Variants in PPFIA2 observed in about 807,000 individuals in gnomAD.
PPFIA2 encodes liprin-alpha-2.
Under a neutral mutation model 175.5 loss-of-function variants are expected in PPFIA2, and 46 were observed. The observed-to-expected ratio is 0.26, with a 90% CI of 0.21 to 0.34. The LOEUF (loss-of-function observed/expected upper bound fraction) is 0.34, where lower values mean the gene tolerates loss of function less well. Ranked by LOEUF, PPFIA2 falls within the 10% of genes least tolerant of loss-of-function variation. The pLI is 1.00. For synonymous variants in PPFIA2, 568 were observed against 511.4 expected (o/e 1.11, Z -1.49); for missense variants, 1,179 against 1,506.1 (o/e 0.78, Z 3.60).
chr12:81,706,069 G>T (rs2077099934), intron 3 of PPFIA2, among the ~76,000 whole-genome samples: 1 of 152,124 alleles, frequency 6.6e-6, no homozygotes, highest in Non-Finnish European at 1.5e-5. Flanking sequence ...GAAACTGCAT[G>T]TGTATCTCAC....
chr12:81,445,697 G>A lies in PPFIA2; in HGVS notation c.429C>T (p.Cys143=), dbSNP rs1429150393. 1.9e-6 allele frequency: 3 copies of A among 1,613,636 alleles called. No homozygotes were observed. The highest frequency in any genetic ancestry group is 2.5e-6 in the Non-Finnish European group (3 of 1,179,710). Residue 143 remains cysteine (C), a synonymous_variant, in exon 6 of 33, where the codon TGC becomes TGT. Transcript: ENST00000549396. ...GTGATCTTTCATGTCGTGACACAAGGCACTCCAAATGCTCCAGTAATAGCT... is the reference window on the plus strand; with the variant it reads ...GTGATCTTTCATGTCGTGACACAAGACACTCCAAATGCTCCAGTAATAGCT... The part of the protein sequence containing the change: ...NTRLLLEHLE[C]LVSRHERSLR...
chr12:81,668,584 T>C (rs138285480), intron 4 of PPFIA2, among the ~76,000 whole-genome samples: 22 of 152,146 alleles, frequency 1.4e-4, no homozygotes, highest in African/African-American at 3.9e-4. Flanking sequence ...TCCACCCTCA[T>C]TTGGCTAAGG....
At chr12:81,600,641 T>A (rs981067980) in intron 4 of PPFIA2, among the ~76,000 whole-genome samples, 5 of 151,976 alleles carry the variant, frequency 3.3e-5, no homozygotes, top group Non-Finnish European at 5.9e-5. Context: ...TCAAATTTTT[T>A]AAATGACTAA....
chr12:81,737,022 C>T (rs2153648382), intron 3 of PPFIA2, among the ~76,000 whole-genome samples: 1 of 151,964 alleles, frequency 6.6e-6, no homozygotes, highest in East Asian at 2.0e-4. Flanking sequence ...GAATGGCAGA[C>T]TGTGTAATTG....
chr12:81,554,522 G>A (rs1455994780), intron 4 of PPFIA2, among the ~76,000 whole-genome samples: 1 of 151,904 alleles, frequency 6.6e-6, no homozygotes, highest in African/African-American at 2.4e-5. Flanking sequence ...CCTCCAAATT[G>A]ACCAAGATTT....
chr12:81,387,563 G>C (rs1423897746), intron 8 of PPFIA2, among the ~76,000 whole-genome samples: 1 of 152,080 alleles, frequency 6.6e-6, no homozygotes, highest in African/African-American at 2.4e-5. Flanking sequence ...AAAGAGCAGA[G>C]AAAGATAGAG....
chr12:81,496,491 C>G (rs1381443074), intron 4 of PPFIA2, among the ~76,000 whole-genome samples: 4 of 152,044 alleles, frequency 2.6e-5, no homozygotes, highest in African/African-American at 9.7e-5. Flanking sequence ...AAGAGAGACA[C>G]TGAAGACTTT....
intron 3 of PPFIA2, among the ~76,000 whole-genome samples, chr12:81,720,145 A>G (rs547468396): frequency 6.6e-6 from 1 of 151,578 alleles, no homozygotes; most frequent in East Asian, 2.0e-4. Context: ...GTGAAGAAGC[A>G]TGGCCTACAT....
intron 4 of PPFIA2, among the ~76,000 whole-genome samples, chr12:81,567,494 A>G (rs139619863): frequency 4.9e-4 from 74 of 152,322 alleles, no homozygotes; most frequent in African/African-American, 1.7e-3. Flanking sequence ...GCATGTGATT[A>G]GTGGATTTGG....
At chr12:81,650,011 TG>T (rs1392356793) in intron 4 of PPFIA2, among the ~76,000 whole-genome samples, 2 of 151,550 alleles carry the variant, frequency 1.3e-5, no homozygotes, top group Non-Finnish European at 2.9e-5. Flanking sequence ...TTTTTGTTTT[TG>T]TTTTTTTTTT....
At position 81,375,910 on chromosome 12, in the gene PPFIA2, T is replaced by A; in HGVS notation, c.1017A>T (p.Arg339Ser). ...AMAQKEDMEE[R>S]ITTLEKRYLS... The stretch of plus-strand genomic sequence containing the variant: ...GGTAACGCTTTTCAAGGGTTGTAAT[T>A]CTTTCTTCCATATCTTCCTTTTGTG... The change falls in exon 10 of 33, where the codon AGA becomes AGT. Residue 339 changes from arginine to serine, a missense_variant. By Grantham distance (110) the Arg-to-Ser change is moderately radical (BLOSUM62 -1). This residue lies in a region of PPFIA2 where 226 missense variants were observed against 216.6 expected (regional missense o/e 1.04). Coordinates refer to ENST00000549396, the MANE Select transcript of PPFIA2 (RefSeq NM_003625.5). The A allele has an allele frequency of 6.2e-7, 1 of 1,613,422 alleles. No individual in the cohort carries two copies. Among genetic ancestry groups the A allele is most frequent in the Non-Finnish European group, 8.5e-7 (1 of 1,179,518 alleles).
At chr12:81,500,448 C>G (rs563215825) in intron 4 of PPFIA2, among the ~76,000 whole-genome samples, 1 of 152,202 alleles carries the variant, frequency 6.6e-6, no homozygotes, top group East Asian at 1.9e-4. Flanking sequence ...TACCTTTTAC[C>G]TAAAATTCTA....
intron 7 of PPFIA2, among the ~76,000 whole-genome samples, chr12:81,429,748 G>T (rs1260427727): frequency 6.6e-6 from 1 of 151,986 alleles, no homozygotes; most frequent in Non-Finnish European, 1.5e-5. Flanking sequence ...GAATTATGAT[G>T]AATAAAATAA....
intron 17 of PPFIA2, among the ~76,000 whole-genome samples, chr12:81,352,427 A>C (rs1367133590): frequency 1.3e-5 from 2 of 149,428 alleles, no homozygotes; most frequent in African/African-American, 4.9e-5. Flanking sequence ...TAATATATTA[A>C]TGTTCTATCT....
chr12:81,721,800 CTGTT>C (rs1446730514), intron 3 of PPFIA2, among the ~76,000 whole-genome samples: 4 of 151,188 alleles, frequency 2.6e-5, no homozygotes, highest in Non-Finnish European at 4.4e-5. Flanking sequence ...TCATCTTTCA[CTGTT>C]TGTTTGATCT....
chr12:81,512,435 T>C lies in PPFIA2; in HGVS notation c.304-54569A>G, dbSNP rs376320228. On this transcript the variant is annotated intron_variant, in intron 4 of 32. Coordinates refer to ENST00000549396, the MANE Select transcript of PPFIA2 (RefSeq NM_003625.5). ...CCCAGCCTAAAATGGAATTTTTCTT[T>C]AATCTAAATTCTAATCTTCCTTTAA... 8 of 944,456 alleles carry C rather than the reference T, an allele frequency of 8.5e-6. No individual in the cohort carries two copies. The East Asian group carries it at 2.3e-4, about 27-fold the overall frequency. 58.5% of individuals were successfully genotyped at this position (944,456 alleles called of 1,614,324 possible).
chr12:81,353,109 T>C lies in PPFIA2; in HGVS notation c.1994+10A>G, dbSNP rs1391477535. ...AATTTCTTGAAATCATCAGTACTAA[T>C]TGAAGTTACCTGATTTCTTTGTTGA... On this transcript the variant is annotated intron_variant, in intron 17 of 32. Coordinates refer to ENST00000549396, the MANE Select transcript of PPFIA2 (RefSeq NM_003625.5). 2 of 1,611,268 alleles carry C rather than the reference T, an allele frequency of 1.2e-6. No individual in the cohort carries two copies. The highest frequency in any genetic ancestry group is 1.7e-6 in the Non-Finnish European group (2 of 1,177,506).
In PPFIA2 at chr12:81,449,502, CA is replaced by C. The variant is rs201271599; in HGVS notation, c.406-3783del. Among the ~76,000 whole-genome samples the C allele has an allele frequency of 5.8e-4, 83 of 141,940 alleles. 1 individual carries two copies. The highest frequency in any genetic ancestry group is 1.1e-3 in the African/African-American group (41 of 38,718). The allele number at this position is 141,940 out of a possible 152,430, so 93.1% of individuals were successfully genotyped here. On this transcript the variant is annotated intron_variant, in intron 5 of 32. Coordinates refer to ENST00000549396, the MANE Select transcript of PPFIA2 (RefSeq NM_003625.5). ...ATTACTTCAGACAAAAAAAAAAAAACAAAAAAAAATCTGATTTTACAGTGAA... is the reference window on the plus strand; with the variant it reads ...ATTACTTCAGACAAAAAAAAAAAAACAAAAAAAATCTGATTTTACAGTGAA...
chr12:81,576,019 T>A (rs1172198807), intron 4 of PPFIA2, among the ~76,000 whole-genome samples: 1 of 151,628 alleles, frequency 6.6e-6, no homozygotes, highest in Non-Finnish European at 1.5e-5. Flanking sequence ...TGCAACCTGT[T>A]CCCTTACATT....
Sources: allele counts gnomAD v4.1 joint callset (sites outside exome capture counted in the v4.1 genomes callset), GRCh38; gene constraint gnomAD v4.1.1; regional missense constraint gnomAD v4.1.1; transcripts MANE v1.5; gene names NCBI Gene and HGNC (gene_info 2026-07-23, HGNC 2026-07-21).